Variants in CHL1 observed in about 807,000 individuals in gnomAD.
CHL1 encodes the protein neural cell adhesion molecule L1-like protein.
CHL1 carries 96 observed loss-of-function variants against 141.9 expected under a neutral mutation model. The observed-to-expected ratio is 0.68, with a 90% CI of 0.57 to 0.80. The LOEUF is 0.80. CHL1 is among the 30% of genes least tolerant of loss of function. The pLI, the probability that CHL1 is intolerant of heterozygous loss-of-function variation, is 0.00. For missense variants in CHL1, 1,820 were observed against 1,457.2 expected, an observed-to-expected ratio of 1.25 and a Z score of -4.05; for synonymous variants, 613 against 502.2, an observed-to-expected ratio of 1.22 and a Z score of -2.95.
At chr3:239,390 C>A (rs780304164) in intron 1 of CHL1, among the ~76,000 whole-genome samples, 5 of 152,080 alleles carry the variant, frequency 3.3e-5, no homozygotes, top group African/African-American at 1.2e-4. Flanking sequence ...ACACTTGCTC[C>A]GTTTTCAGTC....
intron 2 of CHL1, among the ~76,000 whole-genome samples, chr3:273,119 G>C (rs1339285389): frequency 6.6e-6 from 1 of 152,232 alleles, no homozygotes; most frequent in Non-Finnish European, 1.5e-5. Flanking sequence ...AAGACCCTAG[G>C]AAAGTGGGAG....
chr3:335,082 T>C (rs193052084), intron 5 of CHL1, among the ~76,000 whole-genome samples: 68 of 152,342 alleles, frequency 4.5e-4, no homozygotes, highest in African/African-American at 1.5e-3. Context: ...TACATTTGTG[T>C]TAACATACTT....
At chr3:379,018 C>T (rs1202209362) in intron 16 of CHL1, among the ~76,000 whole-genome samples, 1 of 152,100 alleles carries the variant, frequency 6.6e-6, no homozygotes, top group Non-Finnish European at 1.5e-5. Flanking sequence ...TGCAGACATT[C>T]CTTAAAAGTG....
Position 376,740 on chromosome 3 carries a change from T to C in CHL1, c.1752-1078T>C, listed in dbSNP as rs144528846. Among the ~76,000 whole-genome samples, 422 of 152,310 alleles carry C rather than the reference T, an allele frequency of 2.8e-3. 2 individuals carry two copies. The highest frequency in any genetic ancestry group is 9.6e-3 in the African/African-American group (400 of 41,572). On this transcript the variant is annotated intron_variant, in intron 15 of 27. Coordinates refer to ENST00000256509, the MANE Select transcript of CHL1 (RefSeq NM_006614.4). Reference sequence around the variant, plus strand: ...CAGGATATGCAGTATTCTAATATTGTATCAAATGGACACCTGAGTAACATG... The same window carrying C: ...CAGGATATGCAGTATTCTAATATTGCATCAAATGGACACCTGAGTAACATG...
intron 5 of CHL1, among the ~76,000 whole-genome samples, chr3:332,556 G>T (rs1301307552): frequency 2.6e-5 from 4 of 151,986 alleles, no homozygotes; most frequent in African/African-American, 4.8e-5. Context: ...ATAAACAATT[G>T]TTTTATATTC....
rs939735933 is a variant in CHL1, at chr3:407,685, G to A, written c.*1974G>A. ...GTTGTGACGTTCGAGCTTAGTTCTG[G>A]TGTTATTCTGTCTCCTCTTCTTTGT... On this transcript the variant is annotated 3_prime_UTR_variant, in exon 28 of 28. Transcript: ENST00000256509. 6.6e-6 allele frequency: 1 copy of A among 152,264 alleles called. No individual in the cohort carries two copies. The highest frequency in any genetic ancestry group is 1.5e-5 in the Non-Finnish European group (1 of 68,014). 9.4% of individuals were successfully genotyped at this position (152,264 alleles called of 1,614,324 possible).
In CHL1 at chr3:391,041, C is replaced by T; in HGVS notation, c.2673C>T (p.Asn891=). Residue 891 remains asparagine (N), a synonymous_variant, in exon 22 of 28, where the codon AAC becomes AAT. Transcript: ENST00000256509. ...VNILRFSGQR[N]SGMVPSLDAF... ...TTCTAAGATTTTCAGGACAAAGAAA[C>T]TCTGGAATGGTTCCTTCCTTAGATG... The T allele has an allele frequency of 1.2e-6, 2 of 1,613,774 alleles. No individual in the cohort carries two copies. The highest frequency in any genetic ancestry group is 1.7e-6 in the Non-Finnish European group (2 of 1,179,642).
At chr3:297,884 T>C (rs1253431369) in intron 2 of CHL1, among the ~76,000 whole-genome samples, 1 of 152,220 alleles carries the variant, frequency 6.6e-6, no homozygotes, top group African/African-American at 2.4e-5. Context: ...AAATGTTATC[T>C]GGGCCATCTC....
At chr3:360,175 C>A (rs1704098109) in intron 11 of CHL1, 109 bp from the exon 12 acceptor site, 1 of 1,259,706 alleles carries the variant, frequency 7.9e-7, no homozygotes, top group Non-Finnish European at 1.1e-6. Flanking sequence ...CTATTAGTCA[C>A]CCTAAACTGG....
intron 2 of CHL1, among the ~76,000 whole-genome samples, chr3:300,326 T>C (rs1236046409): frequency 6.6e-6 from 1 of 152,136 alleles, no homozygotes; most frequent in East Asian, 1.9e-4. Flanking sequence ...TAAAGTTTTT[T>C]GTTTGAGTTG....
At position 367,644 on chromosome 3, in the gene CHL1, A is replaced by G. The variant is rs566888510; in HGVS notation, c.1751+1529A>G. On this transcript the variant is annotated intron_variant, in intron 15 of 27. Transcript: ENST00000256509. ...TTTCTTCATTTTTTTCCTTATGACA[A>G]ATTTCTTTTTTTAATTTTTGTTTTT... 1.2e-3 allele frequency among the ~76,000 whole-genome samples: 187 copies of G among 152,126 alleles called. 1 individual carries two copies. The highest frequency in any genetic ancestry group is 2.6e-3 in the Admixed American group (39 of 15,290).
intron 23 of CHL1, among the ~76,000 whole-genome samples, 191 bp from the exon 24 acceptor site, chr3:394,502 G>A (rs1254008717): frequency 6.6e-6 from 1 of 152,062 alleles, no homozygotes; most frequent in Admixed American, 6.5e-5. Flanking sequence ...TTATTCTTGC[G>A]AGACCTCAGT....
At chr3:322,445 CTG>C (rs943637893) in intron 3 of CHL1, among the ~76,000 whole-genome samples, 3 of 151,408 alleles carry the variant, frequency 2.0e-5, no homozygotes, top group Admixed American at 1.3e-4. Context: ...TGAGATTAAA[CTG>C]TTTTTATCAT....
At chr3:400,899 C>A (rs1252583445) in intron 26 of CHL1, among the ~76,000 whole-genome samples, 1 of 39,956 alleles carries the variant, frequency 2.5e-5, no homozygotes, top group Non-Finnish European at 6.5e-5. Context: ...CAAATGACTG[C>A]CTTTTTTTTT....
intron 23 of CHL1, among the ~76,000 whole-genome samples, chr3:392,241 T>C (rs1167616792): frequency 6.6e-6 from 1 of 152,138 alleles, no homozygotes; most frequent in Non-Finnish European, 1.5e-5. Flanking sequence ...TGTGAAAGAG[T>C]TATTGAGTGA....
chr3:206,097 A>T (rs1699414942), intron 1 of CHL1, among the ~76,000 whole-genome samples: 1 of 152,220 alleles, frequency 6.6e-6, no homozygotes, highest in Non-Finnish European at 1.5e-5. Context: ...TTTGTGGAAA[A>T]GTAGACATAA....
At chr3:293,374 G>A (rs968326431) in intron 2 of CHL1, among the ~76,000 whole-genome samples, 1 of 152,030 alleles carries the variant, frequency 6.6e-6, no homozygotes, top group African/African-American at 2.4e-5. Flanking sequence ...ATGATGGCAG[G>A]TGCCTGTAGT....
intron 2 of CHL1, among the ~76,000 whole-genome samples, chr3:275,187 C>A (rs766626630): frequency 2.0e-4 from 30 of 152,226 alleles, no homozygotes; most frequent in Non-Finnish European, 2.9e-5. Context: ...CAAGTGTACA[C>A]AGCTGCTAAG....
At chr3:380,580 C>T (rs1706908722) in intron 16 of CHL1, among the ~76,000 whole-genome samples, 1 of 152,126 alleles carries the variant, frequency 6.6e-6, no homozygotes, top group South Asian at 2.1e-4. Context: ...CATTTACTTA[C>T]TTAATTTTCC....
Sources: gnomAD v4.1 joint callset for allele counts (sites outside exome capture counted in the v4.1 genomes callset) on GRCh38, gnomAD v4.1.1 for gene constraint, MANE v1.5 for transcripts, NCBI Gene and HGNC (gene_info 2026-07-23, HGNC 2026-07-21) for gene names.